PARD3B: variants seen among roughly 807,000 people sequenced by gnomAD.
PARD3B encodes partitioning defective 3 homolog B.
In PARD3B, 103 loss-of-function variants were observed where a neutral mutation model predicts 130.2. That is an observed-to-expected ratio of 0.79 (90% CI 0.67 to 0.93). The LOEUF (loss-of-function observed/expected upper bound fraction) is 0.93, where lower values mean the gene tolerates loss of function less well. PARD3B is among the 40% of genes least tolerant of loss of function. The pLI, the probability that PARD3B is intolerant of heterozygous loss-of-function variation, is 0.00. For missense variants in PARD3B, 1,609 were observed against 1,499.2 expected (o/e 1.07, Z -1.21); for synonymous variants, 583 against 553.2 (o/e 1.05, Z -0.76).
At chr2:205,495,837 C>T (rs2049903500) in intron 20 of PARD3B, among the ~76,000 whole-genome samples, 1 of 152,118 alleles carries the variant, frequency 6.6e-6, no homozygotes. Flanking sequence ...GCTTCATATT[C>T]TTCATCTTTA....
At position 205,217,864 on chromosome 2, in the gene PARD3B, GTGTGTATATA is replaced by G. The variant is rs1310805842; in HGVS notation, c.2140+24546_2140+24555del. ...TGTATATGTGTGTGTGTGTGTGTGT[GTGTGTATATA>G]TATATATATATATATATATATTTTT... is the stretch of plus-strand genomic sequence containing the variant. On this transcript the variant is annotated intron_variant, in intron 15 of 22. Coordinates refer to ENST00000406610, the MANE Select transcript of PARD3B (RefSeq NM_001302769.2). Among the ~76,000 whole-genome samples, 510 of 76,610 alleles carry G rather than the reference GTGTGTATATA, an allele frequency of 6.7e-3. 1 individual carries two copies. The highest frequency in any genetic ancestry group is 0.023 in the African/African-American group (366 of 15,886). The allele number at this position is 76,610 out of a possible 152,430, so 50.3% of individuals were successfully genotyped here.
intron 9 of PARD3B, 127 bp downstream of exon 9, chr2:205,124,593 A>G (rs1460577343): frequency 1.5e-6 from 1 of 665,894 alleles, no homozygotes; most frequent in Non-Finnish European, 2.0e-6. Context: ...ATTAAAAATT[A>G]TTACTTATAG....
Position 205,121,741 on chromosome 2 carries a change from G to T in PARD3B, c.957G>T (p.Pro319=), listed in dbSNP as rs750163275. 3.1e-6 allele frequency: 5 copies of T among 1,614,072 alleles called. No individual in the cohort carries two copies. The highest frequency in any genetic ancestry group is 4.2e-6 in the Non-Finnish European group (5 of 1,180,028). The change falls in exon 8 of 23, where the codon CCG becomes CCT. Residue 319 remains proline (P), a synonymous_variant. Transcript: ENST00000406610. The surrounding 1 kb of genome is among the most constrained non-coding windows in gnomAD (Gnocchi z 5.0). ...ATGGCGTTTTGAAAACCAAAGTGCC[G>T]CCTCCTGTCCATGGAAAATCGGGAC... ...NNDGVLKTKV[P]PPVHGKSGLK...
At chr2:205,477,858 A>C (rs1428739428) in intron 20 of PARD3B, among the ~76,000 whole-genome samples, 2 of 152,028 alleles carry the variant, frequency 1.3e-5, no homozygotes, top group South Asian at 4.1e-4. Context: ...TCTTTAGTGA[A>C]GTTTCTGAAT....
chr2:204,570,059 G>T (rs1357804870), intron 1 of PARD3B, among the ~76,000 whole-genome samples: 1 of 152,148 alleles, frequency 6.6e-6, no homozygotes, highest in African/African-American at 2.4e-5. Context: ...CTGGAGGTGT[G>T]TGTGCTGATC....
chr2:204,852,821 G>A (rs2125609516), intron 2 of PARD3B, among the ~76,000 whole-genome samples: 1 of 152,146 alleles, frequency 6.6e-6, no homozygotes, highest in East Asian at 1.9e-4. Flanking sequence ...AATAGGGACT[G>A]TTGAATATTT....
intron 16 of PARD3B, among the ~76,000 whole-genome samples, chr2:205,248,601 CTTTTT>C (rs762295338): frequency 2.6e-3 from 221 of 84,628 alleles, no homozygotes; most frequent in African/African-American, 0.01. Context: ...TCTCACCATT[CTTTTT>C]TTTTTTTTTT....
chr2:205,053,406 G>A (rs1045509491), intron 4 of PARD3B, among the ~76,000 whole-genome samples: 3 of 152,102 alleles, frequency 2.0e-5, no homozygotes, highest in African/African-American at 7.2e-5. Flanking sequence ...GGGAGACTGA[G>A]GCAGGTGGAT....
At position 205,461,116 on chromosome 2, in the gene PARD3B, G is replaced by A. The variant is rs2048436404; in HGVS notation, c.3044+20444G>A. ...CTACAGGAGGAGACAAATATTAAAT[G>A]TGTAGTTATAAGTAGAGTGTCATAA... is the stretch of plus-strand genomic sequence containing the variant. On this transcript the variant is annotated intron_variant, in intron 20 of 22. Coordinates refer to ENST00000406610, the MANE Select transcript of PARD3B (RefSeq NM_001302769.2). This position sits in a 1 kb window ranked among gnomAD's most constrained non-coding sequence, Gnocchi z 4.3. 6.6e-6 allele frequency among the ~76,000 whole-genome samples: 1 copy of A among 152,200 alleles called. No individual in the cohort carries two copies. The highest frequency in any genetic ancestry group is 1.5e-5 in the Non-Finnish European group (1 of 68,032).
intron 15 of PARD3B, among the ~76,000 whole-genome samples, chr2:205,206,409 T>TC (rs569919915): frequency 1.7e-3 from 234 of 140,738 alleles, no homozygotes; most frequent in African/African-American, 5.9e-3. Flanking sequence ...ATATTCCCCT[T>TC]CCTGTGTCCA....
At chr2:204,987,341 G>C (rs191623311) in intron 3 of PARD3B, among the ~76,000 whole-genome samples, 1 of 152,272 alleles carries the variant, frequency 6.6e-6, no homozygotes. Context: ...ATTTTATCTT[G>C]AATTCTGAAA....
At chr2:204,549,692 CT>C (rs778924360) in intron 1 of PARD3B, among the ~76,000 whole-genome samples, 1 of 152,080 alleles carries the variant, frequency 6.6e-6, no homozygotes, top group South Asian at 2.1e-4. Flanking sequence ...ATTTTAAACT[CT>C]TTTGATGGCA....
chr2:205,211,861 G>T (rs1238718109), intron 15 of PARD3B, among the ~76,000 whole-genome samples: 10 of 152,062 alleles, frequency 6.6e-5, no homozygotes, highest in Admixed American at 6.6e-4. Context: ...TGTCTTGAAA[G>T]AATTGTGAGA....
intron 18 of PARD3B, among the ~76,000 whole-genome samples, chr2:205,340,778 G>C (rs2043494894): frequency 1.3e-5 from 2 of 152,082 alleles, no homozygotes; most frequent in African/African-American, 4.8e-5. Flanking sequence ...TTTCTGGACA[G>C]TAAAGGAAAC....
At chr2:204,922,119 A>G (rs1179961711) in intron 2 of PARD3B, among the ~76,000 whole-genome samples, 2 of 152,146 alleles carry the variant, frequency 1.3e-5, no homozygotes, top group Admixed American at 6.5e-5. Context: ...TGAGCTTCCC[A>G]TGGGATATCT....
intron 2 of PARD3B, among the ~76,000 whole-genome samples, chr2:204,901,618 A>T (rs2046860703): frequency 7.0e-6 from 1 of 142,580 alleles, no homozygotes; most frequent in South Asian, 2.2e-4. Flanking sequence ...AAGGTGCAAG[A>T]CAAAGTCCCC....
intron 1 of PARD3B, among the ~76,000 whole-genome samples, chr2:204,569,347 C>A (rs1574477048): frequency 2.0e-5 from 3 of 152,324 alleles, no homozygotes; most frequent in Admixed American, 6.5e-5. Flanking sequence ...CGTAATGCCT[C>A]TCTTTAAGCT....
chr2:205,049,687 G>A (rs773500819), intron 4 of PARD3B, among the ~76,000 whole-genome samples: 2 of 152,174 alleles, frequency 1.3e-5, no homozygotes, highest in Admixed American at 6.5e-5. Context: ...TATGACATCA[G>A]TGAGTTCCAA....
intron 2 of PARD3B, among the ~76,000 whole-genome samples, chr2:204,957,821 T>G (rs1690395373): frequency 6.6e-6 from 1 of 152,184 alleles, no homozygotes; most frequent in Non-Finnish European, 1.5e-5. Flanking sequence ...CTTGTGAAAT[T>G]GTTGTAATTT....
Sources: gnomAD v4.1 joint callset for allele counts (sites outside exome capture counted in the v4.1 genomes callset) on GRCh38, gnomAD v4.1.1 for gene constraint, Gnocchi (gnomAD v3.1) non-coding constraint, MANE v1.5 for transcripts, NCBI Gene and HGNC (gene_info 2026-07-23, HGNC 2026-07-21) for gene names.